Variants in NIPBL observed in about 807,000 individuals in gnomAD.
The protein encoded by NIPBL is nipped-B-like protein.
NIPBL carries 19 observed loss-of-function variants against 321.8 expected under a neutral mutation model. The observed-to-expected ratio is 0.06, with a 90% confidence interval of 0.04 to 0.09. The LOEUF (loss-of-function observed/expected upper bound fraction) is 0.09. Among genes scored for constraint, NIPBL ranks in the 10% least tolerant of loss-of-function variants. The probability of loss-of-function intolerance (pLI) is 1.00; values close to 1 mark genes in which losing one functional copy is unlikely to be tolerated. For synonymous variants in NIPBL, 1,106 were observed against 1,114.1 expected (o/e 0.99, Z 0.14); for missense variants, 2,210 against 3,327.0 (o/e 0.66, Z 8.26).
intron 1 of NIPBL, among the ~76,000 whole-genome samples, chr5:36,920,376 G>A (rs1748840019): frequency 6.6e-6 from 1 of 152,174 alleles, no homozygotes; most frequent in Non-Finnish European, 1.5e-5. Flanking sequence ...AAATCATACA[G>A]GTAGACCTTG....
At chr5:36,955,397 C>T (rs1045359090) in intron 2 of NIPBL, 75 bp from the exon 3 acceptor site, 2 of 1,247,744 alleles carry the variant, frequency 1.6e-6, no homozygotes, top group African/African-American at 2.9e-5. Flanking sequence ...TACTTTTAAT[C>T]CCAAAATACA....
intron 15 of NIPBL, 144 bp from the exon 16 acceptor site, chr5:37,003,117 C>G (rs1747013024): frequency 5.5e-6 from 3 of 550,030 alleles, no homozygotes; most frequent in African/African-American, 1.9e-5. Context: ...AGTAGAAGTT[C>G]TAAGTGGGAA....
chr5:36,964,635 T>A (rs1374737019), intron 6 of NIPBL, among the ~76,000 whole-genome samples: 2 of 152,082 alleles, frequency 1.3e-5, no homozygotes, highest in Non-Finnish European at 2.9e-5. Context: ...ACTTTCTGTT[T>A]AAGATTTCAA....
intron 1 of NIPBL, among the ~76,000 whole-genome samples, chr5:36,925,921 G>C (rs759304810): frequency 6.6e-6 from 1 of 152,068 alleles, no homozygotes. Context: ...TCATGGATTT[G>C]TTTTAACCTC....
chr5:36,932,695 G>T (rs1335330586), intron 1 of NIPBL, among the ~76,000 whole-genome samples: 2 of 150,570 alleles, frequency 1.3e-5, no homozygotes, highest in African/African-American at 4.9e-5. Flanking sequence ...TTTGATATGG[G>T]TGAATTTACT....
Position 37,000,463 on chromosome 5 carries a change from G to A in NIPBL, c.3395G>A (p.Gly1132Asp), listed in dbSNP as rs755995175. The A allele has an allele frequency of 6.2e-7, 1 of 1,613,420 alleles. No homozygotes were observed. The highest frequency in any genetic ancestry group is 2.2e-5 in the East Asian group (1 of 44,862). ...AGCTCTGGGGATCATAGGAGAAGTGGCCACTCTCATGAAGGAAGAAGGAGT... is the reference window on the plus strand; with the variant it reads ...AGCTCTGGGGATCATAGGAGAAGTGACCACTCTCATGAAGGAAGAAGGAGT... ...RRSSGDHRRS[G>D]HSHEGRRSSG... is the part of the protein sequence containing the mutation. The change falls in exon 12 of 47, where the codon GGC becomes GAC. Residue 1132 changes from glycine (G) to aspartate (D), a missense_variant. This residue lies in a region of NIPBL where 381 missense variants were observed against 642.3 expected (regional missense o/e 0.59). Transcript: ENST00000282516.
intron 14 of NIPBL, among the ~76,000 whole-genome samples, chr5:37,002,060 A>C (rs1196826031): frequency 6.6e-6 from 1 of 152,194 alleles, no homozygotes; most frequent in African/African-American, 2.4e-5. Flanking sequence ...GGAGTTATTT[A>C]CAAAGAGACC....
chr5:36,945,447 T>G (rs928733619), intron 1 of NIPBL, among the ~76,000 whole-genome samples: 1 of 152,198 alleles, frequency 6.6e-6, no homozygotes, highest in Non-Finnish European at 1.5e-5. Flanking sequence ...AATCTCAACT[T>G]TATTTACTTA....
intron 29 of NIPBL, among the ~76,000 whole-genome samples, chr5:37,023,446 A>G (rs1433701029): frequency 6.6e-6 from 1 of 152,190 alleles, no homozygotes. Flanking sequence ...TACAGTGAAC[A>G]CCCTTGTACC....
chr5:36,947,266 C>T (rs1018123910), intron 1 of NIPBL, among the ~76,000 whole-genome samples: 3 of 152,004 alleles, frequency 2.0e-5, no homozygotes, highest in African/African-American at 7.2e-5. Context: ...TTGTGAATTT[C>T]CAACTTCCTG....
chr5:37,021,771 A>C (rs1281155237), intron 27 of NIPBL, among the ~76,000 whole-genome samples: 1 of 152,256 alleles, frequency 6.6e-6, no homozygotes, highest in Non-Finnish European at 1.5e-5. Context: ...ACACATAGCA[A>C]GGTTTTAATG....
At chr5:36,959,495 G>C (rs542208975) in intron 4 of NIPBL, among the ~76,000 whole-genome samples, 1 of 152,318 alleles carries the variant, frequency 6.6e-6, no homozygotes, top group South Asian at 2.1e-4. Flanking sequence ...TAATAAGTTA[G>C]ATTGCAATAG....
At chr5:36,927,945 C>CA (rs1749490654) in intron 1 of NIPBL, among the ~76,000 whole-genome samples, 1 of 151,598 alleles carries the variant, frequency 6.6e-6, no homozygotes, top group Non-Finnish European at 1.5e-5. Flanking sequence ...CTCAGCCTCC[C>CA]GAAGTAGATT....
intron 1 of NIPBL, among the ~76,000 whole-genome samples, chr5:36,896,369 C>T (rs1330784180): frequency 6.6e-6 from 1 of 152,130 alleles, no homozygotes; most frequent in Non-Finnish European, 1.5e-5. Context: ...TGTGAGTCCT[C>T]CAACTTTGTT....
chr5:37,038,789 T>C (rs1348660955), intron 34 of NIPBL, 51 bp downstream of exon 34: 2 of 1,587,334 alleles, frequency 1.3e-6, no homozygotes, highest in South Asian at 1.1e-5. Context: ...CATTAAGTGC[T>C]TTAAATTTAG....
intron 1 of NIPBL, among the ~76,000 whole-genome samples, chr5:36,927,250 T>A (rs1430373093): frequency 6.6e-6 from 1 of 152,144 alleles, no homozygotes; most frequent in East Asian, 1.9e-4. Flanking sequence ...TAAGTATTGT[T>A]TTCTCAAGGA....
intron 31 of NIPBL, among the ~76,000 whole-genome samples, chr5:37,027,103 T>C (rs1275183378): frequency 6.6e-6 from 1 of 152,194 alleles, no homozygotes; most frequent in East Asian, 1.9e-4. Context: ...TTTAAACTTA[T>C]GCCACTTTAA....
intron 1 of NIPBL, among the ~76,000 whole-genome samples, chr5:36,911,178 A>C (rs1226969245): frequency 6.6e-6 from 1 of 152,230 alleles, no homozygotes; most frequent in Non-Finnish European, 1.5e-5. Flanking sequence ...TAGGGAGGTC[A>C]TAGCATCTGG....
At chr5:36,918,801 G>A (rs1748685691) in intron 1 of NIPBL, among the ~76,000 whole-genome samples, 1 of 152,002 alleles carries the variant, frequency 6.6e-6, no homozygotes, top group Non-Finnish European at 1.5e-5. Context: ...TTTTGTCTTT[G>A]GTTCTGTTTA....
Sources: gnomAD v4.1 joint callset for allele counts (sites outside exome capture counted in the v4.1 genomes callset) on GRCh38, gnomAD v4.1.1 for gene constraint, gnomAD v4.1.1 regional missense constraint, MANE v1.5 for transcripts, NCBI Gene and HGNC (gene_info 2026-07-23, HGNC 2026-07-21) for gene names.